DPP6: variants seen among roughly 807,000 people sequenced by gnomAD.
The protein encoded by DPP6 is dipeptidyl peptidase like 6, also known as A-type potassium channel modulatory protein DPP6.
A neutral mutation model predicts 122.6 loss-of-function variants in DPP6; 69 were observed. The ratio of observed to expected loss-of-function variants is 0.56; its 90% confidence interval spans 0.46 to 0.69. The LOEUF (loss-of-function observed/expected upper bound fraction) is 0.69. Ranked by LOEUF, DPP6 falls within the 30% of genes least tolerant of loss-of-function variation. The pLI is 0.00. For synonymous variants in DPP6, 418 were observed against 433.1 expected (o/e 0.97, Z 0.43); for missense variants, 928 against 1,116.9 (o/e 0.83, Z 2.41).
chr7:153,971,394 A>T (rs199890671), intron 1 of DPP6, among the ~76,000 whole-genome samples: 4,226 of 150,696 alleles, frequency 0.028, 178 homozygotes, highest in African/African-American at 0.085. Context: ...TTACTTACTA[A>T]TTTCTGATTT....
chr7:154,481,723 G>A lies in DPP6; in HGVS notation c.457+6686G>A, dbSNP rs139841352. On this transcript the variant is annotated intron_variant, in intron 3 of 25. Coordinates refer to ENST00000377770, the MANE Select transcript of DPP6 (RefSeq NM_130797.4). This position sits in a 1 kb window ranked among gnomAD's most constrained non-coding sequence, Gnocchi z 4.2. Reference sequence around the variant, plus strand: ...CCAGCCCACTCGCTCTCCTCTCCGCGTCCACTTGTGATCACTCCTAGTCAC... The same window carrying A: ...CCAGCCCACTCGCTCTCCTCTCCGCATCCACTTGTGATCACTCCTAGTCAC... Among the ~76,000 whole-genome samples, 7 of 151,912 alleles carry A rather than the reference G, an allele frequency of 4.6e-5. No homozygotes were observed. The highest frequency in any genetic ancestry group is 2.1e-4 in the South Asian group (1 of 4,818).
At chr7:154,570,821 A>G (rs1831061754) in intron 5 of DPP6, among the ~76,000 whole-genome samples, 2 of 152,350 alleles carry the variant, frequency 1.3e-5, no homozygotes, top group East Asian at 3.9e-4. Context: ...TGTTTGAAAT[A>G]TCAATTATCA....
chr7:154,641,469 T>C (rs1041179905), intron 6 of DPP6, among the ~76,000 whole-genome samples: 2 of 152,184 alleles, frequency 1.3e-5, no homozygotes, highest in Non-Finnish European at 2.9e-5. Flanking sequence ...TGTTAGGTGT[T>C]TCCATATAAG....
At chr7:154,348,038 C>T (rs1206899057) in intron 1 of DPP6, among the ~76,000 whole-genome samples, 3 of 152,168 alleles carry the variant, frequency 2.0e-5, no homozygotes, top group Admixed American at 2.0e-4. Context: ...AGGAACTATG[C>T]TGTAAGTACA....
At chr7:154,327,971 C>A (rs1460363740) in intron 1 of DPP6, among the ~76,000 whole-genome samples, 1 of 152,124 alleles carries the variant, frequency 6.6e-6, no homozygotes, top group Non-Finnish European at 1.5e-5. Context: ...TTCCAGACAC[C>A]TTAATGCTTT....
At chr7:154,422,822 G>A (rs1006784946) in intron 1 of DPP6, among the ~76,000 whole-genome samples, 6 of 152,148 alleles carry the variant, frequency 3.9e-5, no homozygotes, top group Non-Finnish European at 8.8e-5. Flanking sequence ...TAGAGTATCG[G>A]CCAGGCAACA....
At chr7:153,961,986 C>T (rs1795378101) in intron 1 of DPP6, among the ~76,000 whole-genome samples, 1 of 148,762 alleles carries the variant, frequency 6.7e-6, no homozygotes, top group Admixed American at 6.7e-5. Flanking sequence ...ATTATATGTC[C>T]CCTCTTGTGG....
intron 11 of DPP6, among the ~76,000 whole-genome samples, chr7:154,794,688 G>C (rs1178849905): frequency 6.6e-6 from 1 of 152,194 alleles, no homozygotes; most frequent in East Asian, 1.9e-4. Flanking sequence ...AGTGAGAGAA[G>C]GTAAACGTAG....
intron 1 of DPP6, among the ~76,000 whole-genome samples, chr7:153,918,978 CA>C (rs386411718): frequency 1.8e-3 from 163 of 89,332 alleles, no homozygotes; most frequent in Non-Finnish European, 2.5e-3. Flanking sequence ...GACTCTGTCT[CA>C]AAAAAAAAAA....
chr7:153,999,414 A>G (rs181612539), intron 1 of DPP6, among the ~76,000 whole-genome samples: 1 of 152,312 alleles, frequency 6.6e-6, no homozygotes, highest in South Asian at 2.1e-4. Context: ...TTTCTTCATA[A>G]TATCTTGCCC....
At chr7:153,865,219 G>A in the DPP6 span, among the ~76,000 whole-genome samples, 1 of 152,132 alleles carries the variant, frequency 6.6e-6, no homozygotes, top group Non-Finnish European at 1.5e-5. Context: ...TGGCAGAGAC[G>A]ACAGCAATAG....
intron 16 of DPP6, 54 bp downstream of exon 16, chr7:154,807,166 G>A (rs1798751334): frequency 1.3e-6 from 2 of 1,591,836 alleles, no homozygotes; most frequent in South Asian, 2.3e-5. Flanking sequence ...ACATTTGCAG[G>A]GAGGGGGTGG....
rs568733981 is a variant in DPP6 at position 154,011,261 on chromosome 7, T to C, written c.51+123527T>C. Among the ~76,000 whole-genome samples the C allele has an allele frequency of 2.6e-5, 4 of 152,322 alleles. No homozygotes were observed. In the South Asian group the frequency reaches 8.3e-4, roughly 32 times the overall value. ...GGAGAGTAATGTTGGGACAGATGACTGTCCTACTTTCTAGCAATGAAAAAT... is the reference window on the plus strand; with the variant it reads ...GGAGAGTAATGTTGGGACAGATGACCGTCCTACTTTCTAGCAATGAAAAAT... On this transcript the variant is annotated intron_variant, in intron 1 of 25. Coordinates refer to the DPP6 transcript ENST00000404039.
chr7:154,425,618 GT>G (rs1210919044), intron 1 of DPP6, among the ~76,000 whole-genome samples: 1 of 106,106 alleles, frequency 9.4e-6, no homozygotes, highest in East Asian at 2.5e-4. Flanking sequence ...GTGTGTGTGT[GT>G]GGGTGTGTGT....
chr7:154,254,123 G>C (rs1802516902), intron 1 of DPP6, among the ~76,000 whole-genome samples: 1 of 152,198 alleles, frequency 6.6e-6, no homozygotes, highest in South Asian at 2.1e-4. Context: ...CAGCCAAACT[G>C]TATCAACCAC....
chr7:153,977,734 G>T (rs1390526270), intron 1 of DPP6, among the ~76,000 whole-genome samples: 1 of 151,868 alleles, frequency 6.6e-6, no homozygotes, highest in South Asian at 2.1e-4. Context: ...AGACCCCAGT[G>T]TGTGATGTTC....
chr7:154,057,216 T>A (rs1289543441), intron 1 of DPP6, among the ~76,000 whole-genome samples: 4 of 152,038 alleles, frequency 2.6e-5, no homozygotes, highest in Admixed American at 2.6e-4. Flanking sequence ...GCCCAGCTAG[T>A]ACAAGAAGCA....
chr7:154,870,085 T>C (rs1324886947), intron 18 of DPP6, among the ~76,000 whole-genome samples: 1 of 150,366 alleles, frequency 6.7e-6, no homozygotes, highest in Non-Finnish European at 1.5e-5. Flanking sequence ...GCTCAAGTGA[T>C]CCTCCCACCT....
At chr7:154,621,542 T>G (rs986509716) in intron 5 of DPP6, among the ~76,000 whole-genome samples, 1 of 145,340 alleles carries the variant, frequency 6.9e-6, no homozygotes, top group Non-Finnish European at 1.5e-5. Context: ...CTAATTTTTG[T>G]ATTTTTAGTA....
Sources: gnomAD v4.1 joint callset for allele counts (sites outside exome capture counted in the v4.1 genomes callset) on GRCh38, gnomAD v4.1.1 for gene constraint, Gnocchi (gnomAD v3.1) non-coding constraint, MANE v1.5 for transcripts, NCBI Gene and HGNC (gene_info 2026-07-23, HGNC 2026-07-21) for gene names.